ALG8: variants seen among roughly 807,000 people sequenced by gnomAD.
ALG8 encodes the protein ALG8 alpha-1,3-glucosyltransferase.
ALG8 carries 48 observed loss-of-function variants against 70.2 expected under a neutral mutation model. The ratio of observed to expected loss-of-function variants is 0.68; its 90% CI spans 0.54 to 0.87. The LOEUF (loss-of-function observed/expected upper bound fraction) is 0.87. Ranked by LOEUF, ALG8 falls within the 40% of genes least tolerant of loss-of-function variation. The pLI, the probability that ALG8 is intolerant of heterozygous loss-of-function variation, is 0.00. For missense variants in ALG8, 572 were observed against 608.7 expected (o/e 0.94, Z 0.64); for synonymous variants, 234 against 229.0 (o/e 1.02, Z -0.20).
At chr11:78,123,922 T>C in intron 3 of ALG8, 99 bp downstream of exon 3, 1 of 1,343,224 alleles carries the variant, frequency 7.4e-7, no homozygotes, top group Non-Finnish European at 1.1e-6. Flanking sequence ...TGCTATCATA[T>C]AAACTTTGTT....
chr11:78,127,256 C>T (rs1323059786), intron 2 of ALG8, 102 bp downstream of exon 2: 7 of 1,079,222 alleles, frequency 6.5e-6, no homozygotes, highest in East Asian at 2.7e-5. Context: ...GGATTACAAG[C>T]GTGAGCCACC....
chr11:78,123,123 T>C (rs946248299), intron 3 of ALG8, among the ~76,000 whole-genome samples: 4 of 151,900 alleles, frequency 2.6e-5, no homozygotes, highest in African/African-American at 7.3e-5. Flanking sequence ...CTGGCCAACA[T>C]GGTGAAACCC....
chr11:78,116,699 GAC>G (rs1486176783), intron 5 of ALG8, among the ~76,000 whole-genome samples: 1 of 152,054 alleles, frequency 6.6e-6, no homozygotes, highest in East Asian at 1.9e-4. Flanking sequence ...CAGCCTGGGT[GAC>G]ACAGCATGAC....
intron 1 of ALG8, among the ~76,000 whole-genome samples, chr11:78,133,949 C>T (rs1372567670): frequency 6.6e-6 from 1 of 151,862 alleles, no homozygotes; most frequent in Non-Finnish European, 1.5e-5. Context: ...ACGTGCAATA[C>T]TACTATGTCT....
chr11:78,106,985 G>C, intron 9 of ALG8, 39 bp from the exon 10 acceptor site: 1 of 1,611,460 alleles, frequency 6.2e-7, no homozygotes, highest in Non-Finnish European at 8.5e-7. Context: ...AGTATCATTT[G>C]AAACAGACTT....
chr11:78,112,395 C>A, intron 8 of ALG8: 1 of 429,858 alleles, frequency 2.3e-6, no homozygotes, highest in African/African-American at 2.0e-5. Context: ...AGAGTGTCTA[C>A]ATATTTTATT....
intron 5 of ALG8, chr11:78,114,732 G>A (rs1157844056): frequency 4.5e-6 from 2 of 446,700 alleles, no homozygotes; most frequent in South Asian, 3.2e-5. Context: ...TTGGTAAGCC[G>A]ACGTGGAAGG....
intron 12 of ALG8, among the ~76,000 whole-genome samples, chr11:78,101,978 A>G (rs952699493): frequency 4.6e-5 from 7 of 152,212 alleles, no homozygotes; most frequent in Admixed American, 1.3e-4. Flanking sequence ...AGTAGCTGGG[A>G]TTACAGGCGC....
intron 2 of ALG8, among the ~76,000 whole-genome samples, chr11:78,125,553 G>A (rs924555748): frequency 6.9e-6 from 1 of 144,492 alleles, no homozygotes; most frequent in Admixed American, 7.0e-5. Flanking sequence ...ATCACCTGAG[G>A]TCAGGAGTTC....
At chr11:78,132,930 G>A (rs957429845) in intron 1 of ALG8, among the ~76,000 whole-genome samples, 3 of 150,156 alleles carry the variant, frequency 2.0e-5, no homozygotes, top group Admixed American at 6.7e-5. Context: ...TCCGCCTTCC[G>A]GGTTCATGCC....
chr11:78,136,675 C>T (rs964394209), intron 1 of ALG8, among the ~76,000 whole-genome samples: 3 of 152,108 alleles, frequency 2.0e-5, no homozygotes, highest in African/African-American at 7.2e-5. Flanking sequence ...TAGCATAAGT[C>T]TTAAGGGCCA....
chr11:78,126,468 G>T (rs1861083002), intron 2 of ALG8, among the ~76,000 whole-genome samples: 1 of 148,584 alleles, frequency 6.7e-6, no homozygotes, highest in Non-Finnish European at 1.5e-5. Context: ...GGAGGCGGAG[G>T]TTGCAGTGAG....
chr11:78,116,785 C>T (rs1249088871), intron 5 of ALG8, among the ~76,000 whole-genome samples: 1 of 152,172 alleles, frequency 6.6e-6, no homozygotes, highest in African/African-American at 2.4e-5. Flanking sequence ...AATGAGATAA[C>T]AGTCCTGATG....
chr11:78,119,193 G>C lies in ALG8; in HGVS notation c.535C>G (p.Arg179Gly). Residue 179 changes from arginine (R) to glycine (G), a missense_variant, in exon 5 of 13, where the codon CGA becomes GGA. Arg to Gly is a moderately radical substitution (Grantham distance 125). Coordinates refer to ENST00000299626, the MANE Select transcript of ALG8 (RefSeq NM_024079.5). ...ACAATTATGTTTACCTGAAATAATCGTGCAATGGAGAGTAGCATTAATCCA... is the reference window on the plus strand; with the variant it reads ...ACAATTATGTTTACCTGAAATAATCCTGCAATGGAGAGTAGCATTAATCCA... The part of the protein sequence containing the change: ...LFGLMLLSIA[R>G]LFQKRHMEGA... 6.2e-7 allele frequency: 1 copy of C among 1,606,818 alleles called. No individual in the cohort carries two copies. Among genetic ancestry groups the C allele is most frequent in the Non-Finnish European group, 8.5e-7 (1 of 1,173,730 alleles).
rs777227210 is a variant in ALG8 at position 78,114,088 on chromosome 11, T to C, written c.674-99A>G. ...AAACTAGAAGTATCCCACAATAGTA[T>C]ACCAATCTATTCATGATGTGGCAAG... On this transcript the variant is annotated intron_variant, in intron 6 of 12. Transcript: ENST00000299626. The C allele has an allele frequency of 3.2e-4, 430 of 1,361,672 alleles. 5 individuals carry two copies. The highest frequency in any genetic ancestry group is 3.5e-4 in the Middle Eastern group (2 of 5,644). 84.3% of individuals were successfully genotyped at this position (1,361,672 alleles called of 1,614,324 possible).
At chr11:78,138,149 T>C (rs520947) in intron 1 of ALG8, among the ~76,000 whole-genome samples, 2,485 of 152,042 alleles carry the variant, frequency 0.016, 17 homozygotes, top group Non-Finnish European at 0.026. Context: ...AGATTTGAGA[T>C]CAGCCCTCCG....
intron 1 of ALG8, among the ~76,000 whole-genome samples, chr11:78,128,946 C>T (rs1861192594): frequency 1.3e-5 from 2 of 151,942 alleles, no homozygotes; most frequent in Admixed American, 1.3e-4. Flanking sequence ...ACATTGGCTT[C>T]TTTACTAAGT....
intron 8 of ALG8, among the ~76,000 whole-genome samples, chr11:78,110,249 A>G (rs1374703177): frequency 6.6e-6 from 1 of 152,088 alleles, no homozygotes; most frequent in African/African-American, 2.4e-5. Flanking sequence ...CAGTGGCGCA[A>G]TCTCAGCTCA....
chr11:78,133,026 G>A (rs919578335), intron 1 of ALG8, among the ~76,000 whole-genome samples: 6 of 151,854 alleles, frequency 4.0e-5, no homozygotes, highest in Non-Finnish European at 7.4e-5. Context: ...CAGTAGAGAC[G>A]GGGTTTCATC....
Sources: gnomAD v4.1 joint callset for allele counts (sites outside exome capture counted in the v4.1 genomes callset) on GRCh38, gnomAD v4.1.1 for gene constraint, MANE v1.5 for transcripts, NCBI Gene and HGNC (gene_info 2026-07-23, HGNC 2026-07-21) for gene names.